Variants in FJX1 observed in about 807,000 individuals in gnomAD.
FJX1 encodes the protein four-jointed box kinase 1.
A neutral mutation model predicts 28.7 loss-of-function variants in FJX1; 21 were observed. The ratio of observed to expected loss-of-function variants is 0.73; its 90% CI spans 0.52 to 1.05. FJX1 has a LOEUF of 1.05. Among genes scored for constraint, FJX1 ranks in the 50% least tolerant of loss-of-function variants. FJX1 has a pLI of 0.00. For synonymous variants in FJX1, 363 were observed against 310.0 expected, an observed-to-expected ratio of 1.17 and a Z score of -1.80; for missense variants, 683 against 647.2, an observed-to-expected ratio of 1.06 and a Z score of -0.60.
rs763004503 is a variant in FJX1, at chr11:35,619,552, G to A, written c.916G>A (p.Val306Ile). ...CCTGACGGCCAACTTCGACCGGCTC[G>A]TAAGCAACCTCTTCAGCCTGCAGTG... ...DYLTANFDRL[V>I]SNLFSLQWDP... Residue 306 changes from valine to isoleucine, a missense_variant, in exon 1 of 1, where the codon GTA (valine) becomes ATA (isoleucine). Val to Ile is a conservative substitution (Grantham distance 29, BLOSUM62 3). Transcript: ENST00000317811. The surrounding 1 kb of genome is among the most constrained non-coding windows in gnomAD (Gnocchi z 7.6). 2 of 1,601,736 alleles carry A rather than the reference G, an allele frequency of 1.2e-6. No homozygotes were observed. Among genetic ancestry groups the A allele is most frequent in the Admixed American group, 3.3e-5 (2 of 60,022 alleles).
rs1850847542 is a variant in FJX1, at chr11:35,618,470, G to A, written c.-167G>A. Reference sequence around the variant, plus strand: ...AGCGGCGGGGACTCGAGTTCCCAGCGCCGGGCGGAGCGCCGGACAGAGCCC... The same window carrying A: ...AGCGGCGGGGACTCGAGTTCCCAGCACCGGGCGGAGCGCCGGACAGAGCCC... On this transcript the variant is annotated 5_prime_UTR_variant, in exon 1 of 1. Transcript: ENST00000317811. The surrounding 1 kb of genome is among the most constrained non-coding windows in gnomAD (Gnocchi z 4.2). 3 of 569,522 alleles carry A rather than the reference G, an allele frequency of 5.3e-6. No individual in the cohort carries two copies. The highest frequency in any genetic ancestry group is 6.9e-6 in the Non-Finnish European group (3 of 436,064). The allele number at this position is 569,522 out of a possible 1,614,324, so 35.3% of individuals were successfully genotyped here. A position where few individuals can be genotyped will look rare whatever the true frequency, so the allele number is the denominator to read the frequency against.
chr11:35,619,420 G>A lies in FJX1; in HGVS notation c.784G>A (p.Asp262Asn). ...GGTGCCCGCGCCCTGGCGCTCGGAG[G>A]ACGGCCGTCTGCGCCCCCTCCGGGA... is the stretch of plus-strand genomic sequence containing the variant. Reference protein sequence around the residue: ...VVVPAPWRSEDGRLRPLRDAG... With the variant: ...VVVPAPWRSENGRLRPLRDAG... The change falls in exon 1 of 1, where the codon GAC becomes AAC. Residue 262 changes from aspartate (D) to asparagine (N), a missense_variant. By Grantham distance (23) the Asp-to-Asn change is conservative. Transcript: ENST00000317811. The surrounding 1 kb of genome is among the most constrained non-coding windows in gnomAD (Gnocchi z 7.6). 6.3e-7 allele frequency: 1 copy of A among 1,597,678 alleles called. No homozygotes were observed. Among genetic ancestry groups the A allele is most frequent in the Admixed American group, 1.7e-5 (1 of 59,940 alleles).
rs925304185 is a variant in FJX1, at chr11:35,618,641, G to A, written c.5G>A (p.Gly2Asp). 8.3e-7 allele frequency: 1 copy of A among 1,201,360 alleles called. No individual in the cohort carries two copies. Among genetic ancestry groups the A allele is most frequent in the Non-Finnish European group, 1.0e-6 (1 of 968,216 alleles). 74.4% of individuals were successfully genotyped at this position (1,201,360 alleles called of 1,614,324 possible). MGRRMRGAAATA... is the reference protein window; with the variant it reads MDRRMRGAAATA... Reference sequence around the variant, plus strand: ...CACCGGCACAGCCGCGGGAGCATGGGCAGGAGGATGCGGGGCGCCGCCGCC... The same window carrying A: ...CACCGGCACAGCCGCGGGAGCATGGACAGGAGGATGCGGGGCGCCGCCGCC... Residue 2 changes from glycine (G) to aspartate (D), a missense_variant, in exon 1 of 1, where the codon GGC (glycine) becomes GAC (aspartate). By Grantham distance (94) the Gly-to-Asp change is moderately conservative. Transcript: ENST00000317811. The surrounding 1 kb of genome is among the most constrained non-coding windows in gnomAD (Gnocchi z 4.2).
Position 35,618,656 on chromosome 11 carries a change from G to GCGC in FJX1, c.28_30dup (p.Ala10dup). ...GGGAGCATGGGCAGGAGGATGCGGGGCGCCGCCGCCACCGCGGGGCTCTGG... is the reference window on the plus strand; with the variant it reads ...GGGAGCATGGGCAGGAGGATGCGGGGCGCCGCCGCCGCCACCGCGGGGCTCTGG... On this transcript the variant is annotated inframe_insertion, in exon 1 of 1. Transcript: ENST00000317811. The surrounding 1 kb of genome is among the most constrained non-coding windows in gnomAD (Gnocchi z 4.2). 1 of 1,213,434 alleles carries GCGC rather than the reference G, an allele frequency of 8.2e-7. No individual in the cohort carries two copies. The highest frequency in any genetic ancestry group is 1.6e-5 in the African/African-American group (1 of 62,040). The allele number at this position is 1,213,434 out of a possible 1,614,324, so 75.2% of individuals were successfully genotyped here. A position where few individuals can be genotyped will look rare whatever the true frequency, so the allele number is the denominator to read the frequency against.
Position 35,619,087 on chromosome 11 carries a change from G to T in FJX1, c.451G>T (p.Ala151Ser), listed in dbSNP as rs1417853045. The T allele has an allele frequency of 3.4e-6, 5 of 1,489,620 alleles. No homozygotes were observed. The highest frequency in any genetic ancestry group is 4.4e-6 in the Non-Finnish European group (5 of 1,132,406). 92.3% of individuals were successfully genotyped at this position (1,489,620 alleles called of 1,614,324 possible). A position where few individuals can be genotyped will look rare whatever the true frequency, so the allele number is the denominator to read the frequency against. Residue 151 changes from alanine to serine, a missense_variant, in exon 1 of 1, where the codon GCC becomes TCC. Physicochemically the swap from Ala to Ser is moderately conservative, Grantham distance 99. Transcript: ENST00000317811. The surrounding 1 kb of genome is among the most constrained non-coding windows in gnomAD (Gnocchi z 7.6). ...GGCGTGGCTGGAGGCGGCTCGCGGC[G>T]CCCGGATGGTGGCCCTGGAGCGCGG... ...AAAWLEAARG[A>S]RMVALERGGC... is the part of the protein sequence containing the mutation.
Position 35,619,171 on chromosome 11 carries a change from G to T in FJX1, c.535G>T (p.Val179Leu). The T allele has an allele frequency of 2.5e-6, 4 of 1,577,956 alleles. No individual in the cohort carries two copies. Among genetic ancestry groups the T allele is most frequent in the Non-Finnish European group, 3.4e-6 (4 of 1,172,232 alleles). Reference sequence around the variant, plus strand: ...TTTTGCCGACGGCACCCGCGCCTGCGTGCGCTACGGCATCAACCCGGAGCA... The same window carrying T: ...TTTTGCCGACGGCACCCGCGCCTGCTTGCGCTACGGCATCAACCCGGAGCA... ...ARFADGTRACVRYGINPEQIQ... is the reference protein window; with the variant it reads ...ARFADGTRACLRYGINPEQIQ... The change falls in exon 1 of 1, where the codon GTG (valine) becomes TTG (leucine). Residue 179 changes from valine to leucine, a missense_variant. Physicochemically the swap from Val to Leu is conservative, Grantham distance 32. Transcript: ENST00000317811. This position sits in a 1 kb window ranked among gnomAD's most constrained non-coding sequence, Gnocchi z 7.6.
rs1035562787 is a variant in FJX1 at position 35,618,680 on chromosome 11, GGCTGCTGGCGCTGGGCTC to G, written c.58_75del (p.Gly20_Leu25del). ...GGCGCCGCCGCCACCGCGGGGCTCT[GGCTGCTGGCGCTGGGCTC>G]GCTGCTGGCGCTGTGGGGAGGGCTC... On this transcript the variant is annotated inframe_deletion, in exon 1 of 1. Coordinates refer to ENST00000317811, the MANE Select transcript of FJX1 (RefSeq NM_014344.4). This position sits in a 1 kb window ranked among gnomAD's most constrained non-coding sequence, Gnocchi z 4.2. The G allele has an allele frequency of 2.2e-5, 28 of 1,248,552 alleles. No homozygotes were observed. The highest frequency in any genetic ancestry group is 4.0e-5 in the East Asian group (1 of 24,958). 77.3% of individuals were successfully genotyped at this position (1,248,552 alleles called of 1,614,324 possible).
rs773243175 is a variant in FJX1 at position 35,619,701 on chromosome 11, G to C, written c.1065G>C (p.Lys355Asn). 3.1e-6 allele frequency: 5 copies of C among 1,597,928 alleles called. No homozygotes were observed. In the Admixed American group the frequency reaches 8.7e-5, roughly 28 times the overall value. The change falls in exon 1 of 1, where the codon AAG becomes AAC. Residue 355 changes from lysine (K) to asparagine (N), a missense_variant. Lys to Asn is a moderately conservative substitution (Grantham distance 94, BLOSUM62 0). Coordinates refer to ENST00000317811, the MANE Select transcript of FJX1 (RefSeq NM_014344.4). The surrounding 1 kb of genome is among the most constrained non-coding windows in gnomAD (Gnocchi z 7.6). ...ACCGGGTAGCAGGCATGTGGGACAA[G>C]TATAACGAGCCGCTGTTGCAGTCAG... ...HGYRVAGMWDKYNEPLLQSVC... is the reference protein window; with the variant it reads ...HGYRVAGMWDNYNEPLLQSVC...
At position 35,618,925 on chromosome 11, in the gene FJX1, T is replaced by C; in HGVS notation, c.289T>C (p.Ser97Pro). Residue 97 changes from serine to proline, a missense_variant, in exon 1 of 1, where the codon TCC (serine) becomes CCC (proline). Transcript: ENST00000317811. The surrounding 1 kb of genome is among the most constrained non-coding windows in gnomAD (Gnocchi z 4.2). Reference sequence around the variant, plus strand: ...CGGCGCGGACGGCCCGCCCCGGCAGTCCCGGAGCGAGCCCAGGTGGCACGT... The same window carrying C: ...CGGCGCGGACGGCCCGCCCCGGCAGCCCCGGAGCGAGCCCAGGTGGCACGT... ...AAGADGPPRQ[S>P]RSEPRWHVSA... 1.4e-6 allele frequency: 2 copies of C among 1,455,454 alleles called. No homozygotes were observed. Among genetic ancestry groups the C allele is most frequent in the Non-Finnish European group, 1.8e-6 (2 of 1,111,168 alleles). 90.2% of individuals were successfully genotyped at this position (1,455,454 alleles called of 1,614,324 possible).
At position 35,619,175 on chromosome 11, in the gene FJX1, G is replaced by C; in HGVS notation, c.539G>C (p.Arg180Pro). Reference sequence around the variant, plus strand: ...GCCGACGGCACCCGCGCCTGCGTGCGCTACGGCATCAACCCGGAGCAGATT... The same window carrying C: ...GCCGACGGCACCCGCGCCTGCGTGCCCTACGGCATCAACCCGGAGCAGATT... The part of the protein sequence containing the change: ...RFADGTRACV[R>P]YGINPEQIQG... Residue 180 changes from arginine to proline, a missense_variant, in exon 1 of 1, where the codon CGC becomes CCC. Coordinates refer to ENST00000317811, the MANE Select transcript of FJX1 (RefSeq NM_014344.4). The surrounding 1 kb of genome is among the most constrained non-coding windows in gnomAD (Gnocchi z 7.6). The C allele has an allele frequency of 6.3e-7, 1 of 1,578,208 alleles. No individual in the cohort carries two copies. The highest frequency in any genetic ancestry group is 8.5e-7 in the Non-Finnish European group (1 of 1,172,296).
rs1850859573 is a variant in FJX1 at position 35,618,983 on chromosome 11, C to T, written c.347C>T (p.Ala116Val). ...SARQPRPEESAAVHGGVFWSR... is the reference protein window; with the variant it reads ...SARQPRPEESVAVHGGVFWSR... ...AGGCAGCCCCGGCCGGAGGAGAGCG[C>T]CGCGGTGCACGGGGGCGTCTTCTGG... Residue 116 changes from alanine (A) to valine (V), a missense_variant, in exon 1 of 1, where the codon GCC becomes GTC. Transcript: ENST00000317811. The surrounding 1 kb of genome is among the most constrained non-coding windows in gnomAD (Gnocchi z 4.2). 3 of 1,476,028 alleles carry T rather than the reference C, an allele frequency of 2.0e-6. No homozygotes were observed. The South Asian group carries it at 3.9e-5, about 19-fold the overall frequency. 91.4% of individuals were successfully genotyped at this position (1,476,028 alleles called of 1,614,324 possible).
rs756870124 is a variant in FJX1, at chr11:35,618,900, C to T, written c.264C>T (p.Ala88=). The T allele has an allele frequency of 6.5e-6, 9 of 1,393,772 alleles. No individual in the cohort carries two copies. The allele number at this position is 1,393,772 out of a possible 1,614,324, so 86.3% of individuals were successfully genotyped here. A position where few individuals can be genotyped will look rare whatever the true frequency, so the allele number is the denominator to read the frequency against. ...KTFRALLTLA[A]GADGPPRQSR... ...TCCGGGCGCTGCTCACCCTGGCGGCCGGCGCGGACGGCCCGCCCCGGCAGT... is the reference window on the plus strand; with the variant it reads ...TCCGGGCGCTGCTCACCCTGGCGGCTGGCGCGGACGGCCCGCCCCGGCAGT... The change falls in exon 1 of 1, where the codon GCC becomes GCT. Residue 88 remains alanine (A), a synonymous_variant. Coordinates refer to ENST00000317811, the MANE Select transcript of FJX1 (RefSeq NM_014344.4). The surrounding 1 kb of genome is among the most constrained non-coding windows in gnomAD (Gnocchi z 4.2).
At position 35,618,666 on chromosome 11, in the gene FJX1, C is replaced by G; in HGVS notation, c.30C>G (p.Ala10=). The change falls in exon 1 of 1, where the codon GCC becomes GCG. Residue 10 remains alanine, a synonymous_variant. Transcript: ENST00000317811. The surrounding 1 kb of genome is among the most constrained non-coding windows in gnomAD (Gnocchi z 4.2). MGRRMRGAA[A]TAGLWLLALG... is the part of the protein sequence containing the mutation. The stretch of plus-strand genomic sequence containing the variant: ...GCAGGAGGATGCGGGGCGCCGCCGC[C>G]ACCGCGGGGCTCTGGCTGCTGGCGC... The G allele has an allele frequency of 8.2e-7, 1 of 1,225,400 alleles. No individual in the cohort carries two copies. Among genetic ancestry groups the G allele is most frequent in the Non-Finnish European group, 1.0e-6 (1 of 980,420 alleles). The allele number at this position is 1,225,400 out of a possible 1,614,324, so 75.9% of individuals were successfully genotyped here. A position where few individuals can be genotyped will look rare whatever the true frequency, so the allele number is the denominator to read the frequency against.
At position 35,618,622 on chromosome 11, in the gene FJX1, C is replaced by A; in HGVS notation, c.-15C>A. 1.8e-6 allele frequency: 2 copies of A among 1,142,636 alleles called. No individual in the cohort carries two copies. Among genetic ancestry groups the A allele is most frequent in the African/African-American group, 3.3e-5 (2 of 60,772 alleles). 70.8% of individuals were successfully genotyped at this position (1,142,636 alleles called of 1,614,324 possible). ...GCTTGAAGCGGCGGCGGCGCACCGG[C>A]ACAGCCGCGGGAGCATGGGCAGGAG... On this transcript the variant is annotated 5_prime_UTR_variant, in exon 1 of 1. Transcript: ENST00000317811. The surrounding 1 kb of genome is among the most constrained non-coding windows in gnomAD (Gnocchi z 4.2).
In FJX1 at chr11:35,618,967, C is replaced by T. The variant is rs1199597702; in HGVS notation, c.331C>T (p.Arg111Trp). The stretch of plus-strand genomic sequence containing the variant: ...GTGGCACGTGTCAGCCAGGCAGCCC[C>T]GGCCGGAGGAGAGCGCCGCGGTGCA... ...PRWHVSARQP[R>W]PEESAAVHGG... Residue 111 changes from arginine (R) to tryptophan (W), a missense_variant, in exon 1 of 1, where the codon CGG becomes TGG. Physicochemically the swap from Arg to Trp is moderately radical, Grantham distance 101. Coordinates refer to ENST00000317811, the MANE Select transcript of FJX1 (RefSeq NM_014344.4). The surrounding 1 kb of genome is among the most constrained non-coding windows in gnomAD (Gnocchi z 4.2). 9.5e-6 allele frequency: 14 copies of T among 1,474,156 alleles called. No homozygotes were observed. In the African/African-American group the frequency reaches 1.5e-4, roughly 16 times the overall value. The allele number at this position is 1,474,156 out of a possible 1,614,324, so 91.3% of individuals were successfully genotyped here.
At position 35,619,998 on chromosome 11, in the gene FJX1, T is replaced by TG; in HGVS notation, c.*54dup. The TG allele has an allele frequency of 6.4e-7, 1 of 1,555,318 alleles. No individual in the cohort carries two copies. Among genetic ancestry groups the TG allele is most frequent in the African/African-American group, 1.4e-5 (1 of 73,278 alleles). ...AGATCTGGGGCTGGGGTATGGATGA[T>TG]GGGGGGAAGGGCGGTCGCCTCTGCC... On this transcript the variant is annotated 3_prime_UTR_variant, in exon 1 of 1. Coordinates refer to ENST00000317811, the MANE Select transcript of FJX1 (RefSeq NM_014344.4). This position sits in a 1 kb window ranked among gnomAD's most constrained non-coding sequence, Gnocchi z 7.6.
chr11:35,619,339 A>C lies in FJX1; in HGVS notation c.703A>C (p.Thr235Pro), dbSNP rs1444545444. The C allele has an allele frequency of 3.2e-6, 5 of 1,571,840 alleles. No homozygotes were observed. Among genetic ancestry groups the C allele is most frequent in the Non-Finnish European group, 3.4e-6 (4 of 1,167,128 alleles). ...VQEELRAAHW[T>P]EGSVVSLTRW... ...GGAGGAGCTGCGCGCTGCGCACTGG[A>C]CCGAGGGCAGCGTGGTGAGCCTGAC... The change falls in exon 1 of 1, where the codon ACC becomes CCC. Residue 235 changes from threonine to proline, a missense_variant. Coordinates refer to ENST00000317811, the MANE Select transcript of FJX1 (RefSeq NM_014344.4). This position sits in a 1 kb window ranked among gnomAD's most constrained non-coding sequence, Gnocchi z 7.6.
Position 35,618,902 on chromosome 11 carries a change from G to A in FJX1, c.266G>A (p.Gly89Asp). ...CGGGCGCTGCTCACCCTGGCGGCCG[G>A]CGCGGACGGCCCGCCCCGGCAGTCC... Reference protein sequence around the residue: ...TFRALLTLAAGADGPPRQSRS... With the variant: ...TFRALLTLAADADGPPRQSRS... The change falls in exon 1 of 1, where the codon GGC becomes GAC. Residue 89 changes from glycine to aspartate, a missense_variant. Coordinates refer to ENST00000317811, the MANE Select transcript of FJX1 (RefSeq NM_014344.4). The surrounding 1 kb of genome is among the most constrained non-coding windows in gnomAD (Gnocchi z 4.2). 7.2e-7 allele frequency: 1 copy of A among 1,396,862 alleles called. No homozygotes were observed. Among genetic ancestry groups the A allele is most frequent in the East Asian group, 3.1e-5 (1 of 32,202 alleles). The allele number at this position is 1,396,862 out of a possible 1,614,324, so 86.5% of individuals were successfully genotyped here. A position where few individuals can be genotyped will look rare whatever the true frequency, so the allele number is the denominator to read the frequency against.
Position 35,618,750 on chromosome 11 carries a change from CT to C in FJX1, c.115del (p.Ser39ProfsTer39). 1 of 1,262,630 alleles carries C rather than the reference CT, an allele frequency of 7.9e-7. No individual in the cohort carries two copies. Among genetic ancestry groups the C allele is most frequent in the Non-Finnish European group, 1.0e-6 (1 of 992,208 alleles). 78.2% of individuals were successfully genotyped at this position (1,262,630 alleles called of 1,614,324 possible). A position where few individuals can be genotyped will look rare whatever the true frequency, so the allele number is the denominator to read the frequency against. The part of the protein sequence containing the change: ...LLPPRTELPA[S>X]RPPEDRLPRR... ...TGCCGCCGCGGACCGAGCTGCCCGC[CT>C]CCCGGCCGCCCGAAGACCGACTCCC... On this transcript the variant is annotated frameshift_variant, in exon 1 of 1. Coordinates refer to ENST00000317811, the MANE Select transcript of FJX1 (RefSeq NM_014344.4). LOFTEE classifies it high-confidence loss of function. This position sits in a 1 kb window ranked among gnomAD's most constrained non-coding sequence, Gnocchi z 4.2.
Sources: allele counts gnomAD v4.1 joint callset, GRCh38; gene constraint gnomAD v4.1.1; non-coding constraint Gnocchi (gnomAD v3.1); transcripts MANE v1.5; gene names NCBI Gene and HGNC (gene_info 2026-07-23, HGNC 2026-07-21).